FAT2: variants seen among roughly 807,000 people sequenced by gnomAD.
The protein encoded by FAT2 is FAT atypical cadherin 2.
FAT2 carries 150 observed loss-of-function variants against 295.3 expected under a neutral mutation model. The ratio of observed to expected loss-of-function variants is 0.51; its 90% CI spans 0.44 to 0.58. The LOEUF is 0.58. Ranked by LOEUF, FAT2 falls within the 20% of genes least tolerant of loss-of-function variation. FAT2 has a pLI of 0.00. For synonymous variants in FAT2, 2,026 were observed against 2,150.3 expected, an observed-to-expected ratio of 0.94 and a Z score of 1.60; for missense variants, 4,868 against 5,442.7, an observed-to-expected ratio of 0.89 and a Z score of 3.32.
chr5:151,565,923 A>G lies in FAT2; in HGVS notation c.3009T>C (p.Asp1003=), dbSNP rs202044437. ...AGYNLSLWAS[D]GGRPLARRTL... ...TCCTGCGGGCTAGGGGCCTCCCACC[A>G]TCACTGGCCCACAGGCTCAGATTGT... The change falls in exon 2 of 24, where the codon GAT becomes GAC. Residue 1003 remains aspartate, a synonymous_variant. Coordinates refer to ENST00000261800, the MANE Select transcript of FAT2 (RefSeq NM_001447.3). 1.9e-4 allele frequency: 301 copies of G among 1,613,940 alleles called. 5 individuals carry two copies. The South Asian group carries it at 2.5e-3, about 14-fold the overall frequency.
At chr5:151,594,529 G>A (rs1445291631), upstream of FAT2, among the ~76,000 whole-genome samples, 1 of 152,174 alleles carries the variant, frequency 6.6e-6, no homozygotes, top group Non-Finnish European at 1.5e-5. Context: ...CGGAGGTGTT[G>A]AACTCTGATC....
chr5:151,508,021 T>G (rs1258130417), intron 22 of FAT2, among the ~76,000 whole-genome samples: 2 of 152,202 alleles, frequency 1.3e-5, no homozygotes, highest in African/African-American at 4.8e-5. Context: ...CCTGCTGTGC[T>G]TCACCAGGAG....
Position 151,556,385 on chromosome 5 carries a change from G to A in FAT2, c.3592C>T (p.Gln1198Ter). ...TCCTTGTTCTCTCTGTCCAGCTGCTGGGCTGTAGATAGGAGACCTGAGAGA... is the reference window on the plus strand; with the variant it reads ...TCCTTGTTCTCTCTGTCCAGCTGCTAGGCTGTAGATAGGAGACCTGAGAGA... ...HPVTGLLSTA[Q>*]QLDRENKDEH... The change falls in exon 4 of 24, where the codon CAG (glutamine) becomes TAG (stop). Residue 1198 changes from glutamine (Q) to a stop codon, truncating the protein, a stop_gained. Transcript: ENST00000261800. LOFTEE classifies it high-confidence loss of function. 1 of 1,613,696 alleles carries A rather than the reference G, an allele frequency of 6.2e-7. No individual in the cohort carries two copies. Among genetic ancestry groups the A allele is most frequent in the South Asian group, 1.1e-5 (1 of 91,040 alleles).
chr5:151,567,842 T>A lies in FAT2; in HGVS notation c.1090A>T (p.Lys364Ter). 1 of 1,614,118 alleles carries A rather than the reference T, an allele frequency of 6.2e-7. No individual in the cohort carries two copies. Among genetic ancestry groups the A allele is most frequent in the Non-Finnish European group, 8.5e-7 (1 of 1,180,024 alleles). Residue 364 changes from lysine (K) to a stop codon, truncating the protein, a stop_gained, in exon 2 of 24, where the codon AAG becomes TAG. Transcript: ENST00000261800. LOFTEE classifies it high-confidence loss of function. ...PSKLSSLKFE[K>*]AVYRVQLSEF... ...CTAAGCTGCACTCTGTAAACAGCCT[T>A]CTCGAATTTGAGGGAAGACAGTTTG... is the stretch of plus-strand genomic sequence containing the variant.
In FAT2 at chr5:151,542,746, C is replaced by G. The variant is rs372198243; in HGVS notation, c.8381G>C (p.Arg2794Thr). Residue 2794 changes from arginine to threonine, a missense_variant, in exon 10 of 24, where the codon AGG (arginine) becomes ACG (threonine). Arg to Thr is a moderately conservative substitution (Grantham distance 71). Coordinates refer to ENST00000261800, the MANE Select transcript of FAT2 (RefSeq NM_001447.3). The part of the protein sequence containing the change: ...NIQVGDVNDN[R>T]PVFEADPYKA... ...ATATGGATCAGCCTCAAATACAGGCCTATTGTCATTGACGTCTCCCACTTG... is the reference window on the plus strand; with the variant it reads ...ATATGGATCAGCCTCAAATACAGGCGTATTGTCATTGACGTCTCCCACTTG... 3 of 1,614,092 alleles carry G rather than the reference C, an allele frequency of 1.9e-6. No individual in the cohort carries two copies. The highest frequency in any genetic ancestry group is 1.3e-5 in the African/African-American group (1 of 74,932).
chr5:151,559,767 C>T (rs28506125), intron 3 of FAT2, among the ~76,000 whole-genome samples: 6,564 of 152,078 alleles, frequency 0.043, 343 homozygotes, highest in African/African-American at 0.13. Flanking sequence ...CCTCTGGAAT[C>T]AATGCCCCGA....
chr5:151,544,005 G>A lies in FAT2; in HGVS notation c.7122C>T (p.Asp2374=), dbSNP rs775812164. ...GAGGTTGTCTGAACTCTGGGGGGTT[G>A]TCATTGATATCAGACACATTGACAA... The part of the protein sequence containing the change: ...LVVVNVSDIN[D]NPPEFRQPQY... The change falls in exon 10 of 24, where the codon GAC becomes GAT. Residue 2374 remains aspartate (D), a synonymous_variant. Coordinates refer to ENST00000261800, the MANE Select transcript of FAT2 (RefSeq NM_001447.3). 26 of 1,614,102 alleles carry A rather than the reference G, an allele frequency of 1.6e-5. No homozygotes were observed. The highest frequency in any genetic ancestry group is 2.1e-5 in the Non-Finnish European group (25 of 1,180,052).
rs772598726 is a variant in FAT2, at chr5:151,545,286, C to G, written c.5841G>C (p.Leu1947Phe). 1.2e-6 allele frequency: 2 copies of G among 1,614,124 alleles called. No individual in the cohort carries two copies. The highest frequency in any genetic ancestry group is 1.7e-5 in the Admixed American group (1 of 60,010). The change falls in exon 10 of 24, where the codon TTG (leucine) becomes TTC (phenylalanine). Residue 1947 changes from leucine to phenylalanine, a missense_variant. Physicochemically the swap from Leu to Phe is conservative, Grantham distance 22. Around this residue, in one of 5 missense-constraint regions of FAT2, gnomAD observed 3,297 missense variants for 3,669.4 expected, o/e 0.90. Coordinates refer to ENST00000261800, the MANE Select transcript of FAT2 (RefSeq NM_001447.3). ...TTTTTACCAGCGCAGTGTCTTGATACAAGCCATCAGAAGCCCTGATGGTGA... is the reference window on the plus strand; with the variant it reads ...TTTTTACCAGCGCAGTGTCTTGATAGAAGCCATCAGAAGCCCTGATGGTGA... ...RKLTIRASDG[L>F]YQDTALVKIS...
chr5:151,549,328 C>A lies in FAT2; in HGVS notation c.4756G>T (p.Val1586Phe). 1 of 1,613,600 alleles carries A rather than the reference C, an allele frequency of 6.2e-7. No individual in the cohort carries two copies. The highest frequency in any genetic ancestry group is 8.5e-7 in the Non-Finnish European group (1 of 1,179,994). Reference protein sequence around the residue: ...QVRAMDADRGVNAEVHYSLLK... With the variant: ...QVRAMDADRGFNAEVHYSLLK... ...AGGGAGTAGTGGACCTCAGCATTGA[C>A]TCCCCGGTCAGCATCCATGGCTCGG... is the stretch of plus-strand genomic sequence containing the variant. Residue 1586 changes from valine (V) to phenylalanine (F), a missense_variant, in exon 9 of 24, where the codon GTC becomes TTC. This residue lies in a region of FAT2 where 3,297 missense variants were observed against 3,669.4 expected (regional missense o/e 0.90). Coordinates refer to ENST00000261800, the MANE Select transcript of FAT2 (RefSeq NM_001447.3).
At position 151,512,458 on chromosome 5, in the gene FAT2, A is replaced by T; in HGVS notation, c.11612T>A (p.Met3871Lys). ...DASIRLMVDS[M>K]GNTSLVVPEN... ...TGGGACCACAAGGGAGGTGTTGCCC[A>T]TGCTGTCAACCATCAGGCGAATGGA... is the stretch of plus-strand genomic sequence containing the variant. The change falls in exon 21 of 24, where the codon ATG becomes AAG. Residue 3871 changes from methionine (M) to lysine (K), a missense_variant. Around this residue, in one of 5 missense-constraint regions of FAT2, gnomAD observed 1,046 missense variants for 1,210.1 expected, o/e 0.86. Transcript: ENST00000261800. This position sits in a 1 kb window ranked among gnomAD's most constrained non-coding sequence, Gnocchi z 4.1. 1.2e-6 allele frequency: 2 copies of T among 1,614,246 alleles called. No individual in the cohort carries two copies. Among genetic ancestry groups the T allele is most frequent in the East Asian group, 2.2e-5 (1 of 44,894 alleles).
chr5:151,556,436 A>C, intron 3 of FAT2, 34 bp from the exon 4 acceptor site: 1 of 1,557,052 alleles, frequency 6.4e-7, no homozygotes, highest in Non-Finnish European at 8.8e-7. Context: ...AGACATGAGC[A>C]GAAGACTTTC....
upstream of FAT2, among the ~76,000 whole-genome samples, chr5:151,593,133 C>T (rs1485459263): frequency 2.6e-5 from 4 of 152,196 alleles, no homozygotes; most frequent in African/African-American, 9.6e-5. Context: ...CTACTGTGAT[C>T]GACTCCCAGG....
chr5:151,566,835 G>A lies in FAT2; in HGVS notation c.2097C>T (p.Phe699=), dbSNP rs560008568. The A allele has an allele frequency of 6.2e-7, 1 of 1,614,180 alleles. No homozygotes were observed. The highest frequency in any genetic ancestry group is 1.1e-5 in the South Asian group (1 of 91,074). ...TAATCTGATATGTGCTTAAAGAAGT[G>A]AATTCCTCATCACTGGACTCCTGGT... is the stretch of plus-strand genomic sequence containing the variant. The part of the protein sequence containing the change: ...LQNQESSDEE[F]TSLSTYQINH... Residue 699 remains phenylalanine (F), a synonymous_variant, in exon 2 of 24, where the codon TTC becomes TTT. Coordinates refer to ENST00000261800, the MANE Select transcript of FAT2 (RefSeq NM_001447.3).
At chr5:151,510,645 A>ATAAT (rs1157464757) in intron 21 of FAT2, 1 of 152,972 alleles carries the variant, frequency 6.5e-6, no homozygotes, top group African/African-American at 2.4e-5. Context: ...ACAGCTAGCT[A>ATAAT]TAATATCAGT....
chr5:151,575,861 G>A (rs1433890221), intron 1 of FAT2, among the ~76,000 whole-genome samples: 2 of 152,222 alleles, frequency 1.3e-5, no homozygotes, highest in East Asian at 3.8e-4. Context: ...CATGAGCCAT[G>A]CATGGCTGGC....
At chr5:151,593,128 G>A (rs1022537175), upstream of FAT2, among the ~76,000 whole-genome samples, 1 of 152,242 alleles carries the variant, frequency 6.6e-6, no homozygotes, top group Admixed American at 6.5e-5. Context: ...GGGACCTACT[G>A]TGATCGACTC....
In FAT2 at chr5:151,565,875, G is replaced by T. The variant is rs147733173; in HGVS notation, c.3057C>A (p.Ile1019=). 1 of 1,613,826 alleles carries T rather than the reference G, an allele frequency of 6.2e-7. No individual in the cohort carries two copies. The highest frequency in any genetic ancestry group is 8.5e-7 in the Non-Finnish European group (1 of 1,180,028). ...ARRTLCHVEV[I]VLDVNENLHP... ...GGAGATTCTCATTCACATCCAGGACGATCACCTCCACATGGCAGAGAGTCC... is the reference window on the plus strand; with the variant it reads ...GGAGATTCTCATTCACATCCAGGACTATCACCTCCACATGGCAGAGAGTCC... Residue 1019 remains isoleucine, a synonymous_variant, in exon 2 of 24, where the codon ATC becomes ATA. Transcript: ENST00000261800.
In FAT2 at chr5:151,568,252, A is replaced by C; in HGVS notation, c.680T>G (p.Met227Arg). Residue 227 changes from methionine to arginine, a missense_variant, in exon 2 of 24, where the codon ATG becomes AGG. By Grantham distance (91) the Met-to-Arg change is moderately conservative. Coordinates refer to ENST00000261800, the MANE Select transcript of FAT2 (RefSeq NM_001447.3). The part of the protein sequence containing the change: ...HELQVLAVDR[M>R]RKISEGNGFG... ...CCCATTGCCCTCAGAGATTTTCCGC[A>C]TGCGGTCCACAGCTAGCACCTGGAG... 3 of 1,614,172 alleles carry C rather than the reference A, an allele frequency of 1.9e-6. No individual in the cohort carries two copies. Among genetic ancestry groups the C allele is most frequent in the Non-Finnish European group, 2.5e-6 (3 of 1,180,016 alleles).
chr5:151,553,225 C>A lies in FAT2; in HGVS notation c.4108G>T (p.Val1370Phe), dbSNP rs144477296. The A allele has an allele frequency of 1.9e-6, 3 of 1,614,250 alleles. No homozygotes were observed. The highest frequency in any genetic ancestry group is 8.5e-7 in the Non-Finnish European group (1 of 1,180,046). The change falls in exon 6 of 24, where the codon GTC (valine) becomes TTC (phenylalanine). Residue 1370 changes from valine to phenylalanine, a missense_variant. Physicochemically the swap from Val to Phe is conservative, Grantham distance 50 (BLOSUM62 -1). This residue lies in a region of FAT2 where 3,297 missense variants were observed against 3,669.4 expected (regional missense o/e 0.90). Transcript: ENST00000261800. ...CCGGGTCTGCCCTCTACGCTGATGA[C>A]CCCCACCATGTGGTTCACAGGGTCC... ...ETDPVNHMVG[V>F]ISVEGRPGLF... is the part of the protein sequence containing the mutation.
Sources: allele counts gnomAD v4.1 joint callset (sites outside exome capture counted in the v4.1 genomes callset), GRCh38; gene constraint gnomAD v4.1.1; regional missense constraint gnomAD v4.1.1; non-coding constraint Gnocchi (gnomAD v3.1); transcripts MANE v1.5; gene names NCBI Gene and HGNC (gene_info 2026-07-23, HGNC 2026-07-21).